The following AUTS2 variants were observed in gnomAD, a reference collection of about 807,000 sequenced individuals.
The protein encoded by AUTS2 is activator of transcription and developmental regulator AUTS2.
Under a neutral mutation model 112.4 loss-of-function variants are expected in AUTS2, and 17 were observed. That is an observed-to-expected ratio of 0.15 (90% CI 0.10 to 0.23). The LOEUF (loss-of-function observed/expected upper bound fraction) is 0.23. Ranked by LOEUF, AUTS2 falls within the 10% of genes least tolerant of loss-of-function variation. AUTS2 has a pLI of 1.00. For synonymous variants in AUTS2, 751 were observed against 702.7 expected (o/e 1.07, Z -1.09); for missense variants, 1,510 against 1,701.6 (o/e 0.89, Z 1.98).
chr7:69,600,292 C>A (rs1310850169), intron 1 of AUTS2, among the ~76,000 whole-genome samples: 1 of 152,036 alleles, frequency 6.6e-6, no homozygotes, highest in Non-Finnish European at 1.5e-5. Flanking sequence ...AGAGCTCTGC[C>A]CCCACTCCTT....
At chr7:70,173,261 T>C (rs1042354559) in intron 4 of AUTS2, among the ~76,000 whole-genome samples, 2 of 151,296 alleles carry the variant, frequency 1.3e-5, no homozygotes, top group African/African-American at 4.9e-5. Context: ...GCCTGTAGTC[T>C]GAGGCAGGAG....
intron 5 of AUTS2, among the ~76,000 whole-genome samples, chr7:70,672,601 TTTC>T (rs1007539975): frequency 6.6e-6 from 1 of 151,704 alleles, no homozygotes; most frequent in African/African-American, 2.4e-5. Context: ...ATGATTTCTT[TTTC>T]TTTTTTTTTC....
chr7:69,898,653 A>G (rs1434189547), intron 1 of AUTS2, among the ~76,000 whole-genome samples: 3 of 152,072 alleles, frequency 2.0e-5, no homozygotes, highest in Non-Finnish European at 4.4e-5. Context: ...ACCTCCCCTC[A>G]TCCCCAACCA....
intron 4 of AUTS2, among the ~76,000 whole-genome samples, chr7:70,399,447 T>C (rs1167982762): frequency 6.6e-6 from 1 of 152,210 alleles, no homozygotes; most frequent in African/African-American, 2.4e-5. Flanking sequence ...ATATAAATTC[T>C]CATCCATAAT....
intron 5 of AUTS2, among the ~76,000 whole-genome samples, chr7:70,500,183 A>C (rs182091961): frequency 2.9e-4 from 44 of 151,974 alleles, no homozygotes; most frequent in East Asian, 2.1e-3. Context: ...AAAAAAAAAA[A>C]AAAACAAAAC....
chr7:69,815,997 G>A (rs909814988), intron 1 of AUTS2, among the ~76,000 whole-genome samples: 4 of 152,324 alleles, frequency 2.6e-5, no homozygotes, highest in African/African-American at 9.6e-5. Context: ...CTGTCAGTAT[G>A]AATCTAGCCA....
rs145230275 is a variant in AUTS2, at chr7:70,295,164, G to T, written c.661-140588G>T. On this transcript the variant is annotated intron_variant, in intron 4 of 18. Coordinates refer to ENST00000342771, the MANE Select transcript of AUTS2 (RefSeq NM_015570.4). The stretch of plus-strand genomic sequence containing the variant: ...CAGATAGCCTGATTTTATTTTTTAT[G>T]CCCCAGTTGCAAGTTAGTGTCTCCT... Among the ~76,000 whole-genome samples, 632 of 152,266 alleles carry T rather than the reference G, an allele frequency of 4.2e-3. 5 individuals are homozygous for T. Among genetic ancestry groups the T allele is most frequent in the Non-Finnish European group, 5.7e-3 (390 of 68,006 alleles).
intron 5 of AUTS2, among the ~76,000 whole-genome samples, chr7:70,640,588 T>TGTGTAA (rs1398075233): frequency 2.0e-5 from 3 of 151,956 alleles, no homozygotes; most frequent in Non-Finnish European, 4.4e-5. Flanking sequence ...TGTGTGTGTG[T>TGTGTAA]GTGTGTAAGT....
At chr7:70,104,490 G>C (rs947776313) in intron 2 of AUTS2, among the ~76,000 whole-genome samples, 1 of 152,162 alleles carries the variant, frequency 6.6e-6, no homozygotes, top group East Asian at 1.9e-4. Context: ...AGATTGAGGA[G>C]ATCCAAGACC....
At chr7:70,350,301 T>C (rs1791689702) in intron 4 of AUTS2, among the ~76,000 whole-genome samples, 1 of 152,210 alleles carries the variant, frequency 6.6e-6, no homozygotes, top group Admixed American at 6.5e-5. Flanking sequence ...AGCGATAATT[T>C]GATATTTCAT....
chr7:70,115,495 T>G (rs762040666), intron 2 of AUTS2, among the ~76,000 whole-genome samples: 1 of 152,232 alleles, frequency 6.6e-6, no homozygotes, highest in Non-Finnish European at 1.5e-5. Context: ...TGATCAAATA[T>G]CACCTAACAA....
rs373683650 is a variant in AUTS2 at position 69,673,083 on chromosome 7, A to G, written c.309+73121A>G. Among the ~76,000 whole-genome samples, 509 of 152,300 alleles carry G rather than the reference A, an allele frequency of 3.3e-3. 10 individuals are homozygous for G. The South Asian group carries it at 0.063, about 19-fold the overall frequency. On this transcript the variant is annotated intron_variant, in intron 1 of 18. Transcript: ENST00000342771. ...TCATGGTAAATGCTTTCATTAGATA[A>G]TTTAGCTTATGCCCTTTTTCCTACT...
intron 2 of AUTS2, among the ~76,000 whole-genome samples, chr7:69,945,439 T>C (rs1796772100): frequency 6.6e-6 from 1 of 152,196 alleles, no homozygotes. Flanking sequence ...TACTTCATTC[T>C]CCTCACCCCC....
chr7:70,003,148 C>G (rs13232373), intron 2 of AUTS2, among the ~76,000 whole-genome samples: 2 of 134,432 alleles, frequency 1.5e-5, no homozygotes, highest in Non-Finnish European at 3.1e-5. Flanking sequence ...TTATATATGA[C>G]TATATTATAT....
At chr7:69,861,205 C>T (rs1367687776) in intron 1 of AUTS2, among the ~76,000 whole-genome samples, 1 of 152,162 alleles carries the variant, frequency 6.6e-6, no homozygotes, top group Non-Finnish European at 1.5e-5. Context: ...TCCCCTTACC[C>T]CCTTCAGAAG....
intron 1 of AUTS2, among the ~76,000 whole-genome samples, chr7:69,825,153 A>G (rs1231850050): frequency 6.6e-6 from 1 of 152,208 alleles, no homozygotes; most frequent in Admixed American, 6.5e-5. Flanking sequence ...CATATGAATG[A>G]GGCCACATGT....
intron 1 of AUTS2, among the ~76,000 whole-genome samples, chr7:69,758,678 T>C (rs1023178929): frequency 6.6e-6 from 1 of 152,218 alleles, no homozygotes; most frequent in African/African-American, 2.4e-5. Context: ...CCCCAGTGAA[T>C]TTTCCAACCT....
At chr7:70,542,898 C>T (rs913951949) in intron 5 of AUTS2, among the ~76,000 whole-genome samples, 1 of 152,108 alleles carries the variant, frequency 6.6e-6, no homozygotes, top group African/African-American at 2.4e-5. Flanking sequence ...AGAATGTTGC[C>T]TGGGTGATTG....
At chr7:69,601,286 T>C (rs919346662) in intron 1 of AUTS2, among the ~76,000 whole-genome samples, 8 of 151,794 alleles carry the variant, frequency 5.3e-5, no homozygotes, top group South Asian at 2.1e-4. Context: ...AGGAAACTTT[T>C]CCCTTTCCAT....
Sources: allele counts gnomAD v4.1 joint callset (sites outside exome capture counted in the v4.1 genomes callset), GRCh38; gene constraint gnomAD v4.1.1; transcripts MANE v1.5; gene names NCBI Gene and HGNC (gene_info 2026-07-23, HGNC 2026-07-21).